The following NPHP4 variants were observed in gnomAD, a reference collection of about 807,000 sequenced individuals.
NPHP4 encodes the protein nephrocystin 4, also known as nephrocystin-4.
In NPHP4, 151 loss-of-function variants were observed where a neutral mutation model predicts 155.8. The observed-to-expected ratio is 0.97, with a 90% CI of 0.85 to 1.11. The LOEUF (loss-of-function observed/expected upper bound fraction) is 1.11, where lower values mean the gene tolerates loss of function less well. Among genes scored for constraint, NPHP4 ranks in the 50% least tolerant of loss-of-function variants. The pLI is 0.00. For missense variants in NPHP4, 1,956 were observed against 1,925.7 expected, an observed-to-expected ratio of 1.02 and a Z score of -0.29; for synonymous variants, 845 against 816.8, an observed-to-expected ratio of 1.03 and a Z score of -0.59.
At chr1:5,967,924 G>A (rs1197156645) in intron 4 of NPHP4, among the ~76,000 whole-genome samples, 2 of 151,924 alleles carry the variant, frequency 1.3e-5, no homozygotes, top group African/African-American at 4.8e-5. Flanking sequence ...CCCTGACTTG[G>A]AGTAAACATG....
intron 10 of NPHP4, among the ~76,000 whole-genome samples, chr1:5,930,605 C>G (rs571068626): frequency 6.6e-6 from 1 of 152,014 alleles, no homozygotes; most frequent in South Asian, 2.1e-4. Context: ...TTATTGATTT[C>G]TAGTTCAATT....
At chr1:5,925,229 A>G (rs1027675956) in intron 11 of NPHP4, among the ~76,000 whole-genome samples, 1 of 152,228 alleles carries the variant, frequency 6.6e-6, no homozygotes, top group African/African-American at 2.4e-5. Context: ...GAACACGTAC[A>G]GACTCTTTTT....
At chr1:5,936,770 G>A (rs1391846279) in intron 9 of NPHP4, among the ~76,000 whole-genome samples, 1 of 152,196 alleles carries the variant, frequency 6.6e-6, no homozygotes, top group Non-Finnish European at 1.5e-5. Flanking sequence ...CAGAGTCCCT[G>A]TGGCGGGCTC....
intron 6 of NPHP4, among the ~76,000 whole-genome samples, chr1:5,959,662 C>T (rs1475236482): frequency 6.6e-6 from 1 of 152,190 alleles, no homozygotes; most frequent in East Asian, 1.9e-4. Flanking sequence ...GAAAGCAGCA[C>T]ACAGCTAGTC....
intron 20 of NPHP4, chr1:5,876,524 C>T (rs1642625723): frequency 6.6e-6 from 1 of 152,300 alleles, no homozygotes; most frequent in African/African-American, 2.4e-5. Flanking sequence ...GCTGAGTTTA[C>T]TGTCAGGAAA....
At chr1:5,957,085 C>T (rs1446848586) in intron 6 of NPHP4, among the ~76,000 whole-genome samples, 1 of 152,186 alleles carries the variant, frequency 6.6e-6, no homozygotes, top group Non-Finnish European at 1.5e-5. Flanking sequence ...CCCACCGTGG[C>T]AGAAGTGACC....
rs553958944 is a variant in NPHP4, at chr1:5,931,348, A to G, written c.1302+1799T>C. On this transcript the variant is annotated intron_variant, in intron 10 of 29. Transcript: ENST00000378156. Reference sequence around the variant, plus strand: ...AATTTTTTGGTTTCCCAGTGCATTTAAAAGTTGTATTTATACTATACTGTA... The same window carrying G: ...AATTTTTTGGTTTCCCAGTGCATTTGAAAGTTGTATTTATACTATACTGTA... Among the ~76,000 whole-genome samples, 14 of 152,022 alleles carry G rather than the reference A, an allele frequency of 9.2e-5. No homozygotes were observed. The South Asian group carries it at 2.9e-3, about 32-fold the overall frequency.
In NPHP4 at chr1:5,905,969, G is replaced by A. The variant is rs575343188; in HGVS notation, c.1612-186C>T. 1.3e-5 allele frequency among the ~76,000 whole-genome samples: 2 copies of A among 152,258 alleles called. No homozygotes were observed. The highest frequency in any genetic ancestry group is 3.9e-4 in the East Asian group (2 of 5,184). On this transcript the variant is annotated intron_variant, in intron 13 of 29. Transcript: ENST00000378156. This position sits in a 1 kb window ranked among gnomAD's most constrained non-coding sequence, Gnocchi z 4.0. ...AACAAATGATTTTAGTATAAGTATG[G>A]TCCCTACGATATTTGGGATATACTT...
rs184953179 is a variant in NPHP4, at chr1:5,862,856, T to C, written c.*409A>G. The stretch of plus-strand genomic sequence containing the variant: ...TTTGTTCAACAATTTAAAAAACAGA[T>C]ATAATACCAGCATAAAATATTGCAT... On this transcript the variant is annotated 3_prime_UTR_variant, in exon 30 of 30. Transcript: ENST00000378156. 1.0e-5 allele frequency: 2 copies of C among 193,726 alleles called. No individual in the cohort carries two copies. The highest frequency in any genetic ancestry group is 1.3e-4 in the East Asian group (1 of 7,604). The allele number at this position is 193,726 out of a possible 1,614,324, so 12.0% of individuals were successfully genotyped here. A position where few individuals can be genotyped will look rare whatever the true frequency, so the allele number is the denominator to read the frequency against.
chr1:5,919,386 C>A (rs1240785344), intron 11 of NPHP4, among the ~76,000 whole-genome samples: 1 of 152,234 alleles, frequency 6.6e-6, no homozygotes. Flanking sequence ...CCTGTCCCCA[C>A]ATGCAGCTAC....
intron 16 of NPHP4, among the ~76,000 whole-genome samples, chr1:5,893,466 G>A (rs967909447): frequency 1.3e-5 from 2 of 152,248 alleles, no homozygotes; most frequent in African/African-American, 2.4e-5. Flanking sequence ...GGCAGAGAGA[G>A]AGAGGAGACA....
rs762745598 is a variant in NPHP4 at position 5,905,586 on chromosome 1, G to A, written c.1763+46C>T. On this transcript the variant is annotated intron_variant, in intron 14 of 29. Transcript: ENST00000378156. The surrounding 1 kb of genome is among the most constrained non-coding windows in gnomAD (Gnocchi z 4.0). ...GGTTCACAAGGTCCAACAGTCTGACGGCACAGCACGTGACTGGTTCCATCC... is the reference window on the plus strand; with the variant it reads ...GGTTCACAAGGTCCAACAGTCTGACAGCACAGCACGTGACTGGTTCCATCC... The A allele has an allele frequency of 6.2e-6, 10 of 1,610,762 alleles. No individual in the cohort carries two copies. Among genetic ancestry groups the A allele is most frequent in the South Asian group, 4.4e-5 (4 of 90,804 alleles).
rs1304527765 is a variant in NPHP4 at position 5,889,448 on chromosome 1, G to GT, written c.2304+1419dup. ...TTTATTCAAGTCTATGTCAACAAGCGTAACGGCACTTGTTTAAGGGGCTCT... is the reference window on the plus strand; with the variant it reads ...TTTATTCAAGTCTATGTCAACAAGCGTTAACGGCACTTGTTTAAGGGGCTCT... On this transcript the variant is annotated intron_variant, in intron 17 of 29. Coordinates refer to ENST00000378156, the MANE Select transcript of NPHP4 (RefSeq NM_015102.5). The surrounding 1 kb of genome is among the most constrained non-coding windows in gnomAD (Gnocchi z 4.2). Among the ~76,000 whole-genome samples, 42 of 152,342 alleles carry GT rather than the reference G, an allele frequency of 2.8e-4. No individual in the cohort carries two copies. Among genetic ancestry groups the GT allele is most frequent in the African/African-American group, 8.4e-4 (35 of 41,586 alleles).
chr1:5,959,458 C>T (rs888643838), intron 6 of NPHP4, among the ~76,000 whole-genome samples: 3 of 152,216 alleles, frequency 2.0e-5, no homozygotes, highest in Admixed American at 6.5e-5. Flanking sequence ...ACACTAGGAA[C>T]AAAACCAGGC....
At chr1:5,947,071 A>G in intron 9 of NPHP4, 33 bp downstream of exon 9, 21 of 1,613,274 alleles carry the variant, frequency 1.3e-5, no homozygotes, top group Non-Finnish European at 1.8e-5. Context: ...GTTCACCACC[A>G]GAGGAAACCG....
intron 6 of NPHP4, among the ~76,000 whole-genome samples, chr1:5,959,967 A>G (rs1649997615): frequency 6.6e-6 from 1 of 152,222 alleles, no homozygotes; most frequent in African/African-American, 2.4e-5. Flanking sequence ...GATGATCAGT[A>G]TCAAGCAGGC....
intron 16 of NPHP4, among the ~76,000 whole-genome samples, chr1:5,895,887 C>A (rs894131433): frequency 3.3e-5 from 5 of 152,050 alleles, no homozygotes; most frequent in African/African-American, 1.2e-4. Context: ...ATGCAGCCCA[C>A]AGAGCATGAC....
At position 5,987,114 on chromosome 1, in the gene NPHP4, T is replaced by G. The variant is rs145551188; in HGVS notation, c.-38-787A>C. ...GTCACCCCACGACACTTCAGCTACA[T>G]GAACAAAGTCTCTTGTTGCTAAAGC... is the stretch of plus-strand genomic sequence containing the variant. On this transcript the variant is annotated intron_variant, in intron 1 of 29. Transcript: ENST00000378156. Among the ~76,000 whole-genome samples the G allele has an allele frequency of 9.7e-3, 1,479 of 152,104 alleles. 23 individuals carry two copies. Among genetic ancestry groups the G allele is most frequent in the African/African-American group, 0.033 (1,354 of 41,478 alleles).
chr1:5,956,921 C>G (rs1445720331), intron 6 of NPHP4, among the ~76,000 whole-genome samples: 1 of 152,192 alleles, frequency 6.6e-6, no homozygotes, highest in African/African-American at 2.4e-5. Context: ...GCCCCCAGCT[C>G]ACATCGTGGC....
Sources: gnomAD v4.1 joint callset for allele counts (sites outside exome capture counted in the v4.1 genomes callset) on GRCh38, gnomAD v4.1.1 for gene constraint, Gnocchi (gnomAD v3.1) non-coding constraint, MANE v1.5 for transcripts, NCBI Gene and HGNC (gene_info 2026-07-23, HGNC 2026-07-21) for gene names.